Variants in FBXO10 observed in about 807,000 individuals in gnomAD.
The protein encoded by FBXO10 is F-box protein 10, also known as F-box only protein 10.
FBXO10 carries 39 observed loss-of-function variants against 80.7 expected under a neutral mutation model. The observed-to-expected ratio is 0.48, with a 90% confidence interval of 0.37 to 0.63. FBXO10 has a LOEUF of 0.63. FBXO10 is among the 30% of genes least tolerant of loss of function. The pLI is 0.00. For synonymous variants in FBXO10, 449 were observed against 489.6 expected (o/e 0.92, Z 1.09); for missense variants, 1,025 against 1,269.0 (o/e 0.81, Z 2.92).
At position 37,537,242 on chromosome 9, in the gene FBXO10, G is replaced by C; in HGVS notation, c.1287C>G (p.Gly429=). 6.2e-7 allele frequency: 1 copy of C among 1,613,918 alleles called. No homozygotes were observed. The highest frequency in any genetic ancestry group is 8.5e-7 in the Non-Finnish European group (1 of 1,179,906). Residue 429 remains glycine (G), a synonymous_variant, in exon 3 of 11, where the codon GGC becomes GGG. Coordinates refer to ENST00000432825, the MANE Select transcript of FBXO10 (RefSeq NM_012166.3). The stretch of plus-strand genomic sequence containing the variant: ...GGAAGAGGCACTTGCGGATGAGGCA[G>C]CCCTGCACGGAGTTGGCCAGTGCCA... The part of the protein sequence containing the change: ...EAMALANSVQ[G]CLIRKCLFRD...
intron 3 of FBXO10, among the ~76,000 whole-genome samples, chr9:37,536,519 G>A (rs897193563): frequency 6.6e-6 from 1 of 152,128 alleles, no homozygotes; most frequent in African/African-American, 2.4e-5. Context: ...GGGGATTCCA[G>A]GTCTGGGTAA....
intron 5 of FBXO10, 40 bp from the exon 6 acceptor site, chr9:37,525,212 G>T (rs1420939136): frequency 1.1e-5 from 17 of 1,530,748 alleles, no homozygotes; most frequent in Admixed American, 2.0e-5. Context: ...GTGAGCCCAG[G>T]GCATCAATGT....
At chr9:37,518,582 G>C in intron 8 of FBXO10, 144 bp from the exon 9 acceptor site, 1 of 679,612 alleles carries the variant, frequency 1.5e-6, no homozygotes. Context: ...CAACCCTTGA[G>C]TTTGCGTCTT....
Position 37,541,354 on chromosome 9 carries a change from C to T in FBXO10, c.415G>A (p.Gly139Ser), listed in dbSNP as rs1821912754. The T allele has an allele frequency of 1.2e-6, 2 of 1,614,004 alleles. No individual in the cohort carries two copies. The highest frequency in any genetic ancestry group is 1.7e-6 in the Non-Finnish European group (2 of 1,179,882). The stretch of plus-strand genomic sequence containing the variant: ...ATTTCACCTTGCTCTTCGTACACAC[C>T]TGGGAAGAGCACAATTCGGTCATAC... ...SLYDRIVLFP[G>S]VYEEQGEIIL... Residue 139 changes from glycine to serine, a missense_variant, in exon 2 of 11, where the codon GGT becomes AGT. This residue lies in a region of FBXO10 where 450 missense variants were observed against 499.4 expected (regional missense o/e 0.90). Transcript: ENST00000432825.
At chr9:37,555,949 T>C (rs1320507839) in intron 1 of FBXO10, among the ~76,000 whole-genome samples, 2 of 152,254 alleles carry the variant, frequency 1.3e-5, no homozygotes, top group African/African-American at 2.4e-5. Flanking sequence ...GTCTAAAAGC[T>C]TTGTGGTTTT....
At chr9:37,517,154 A>G (rs1389489617) in intron 9 of FBXO10, among the ~76,000 whole-genome samples, 1 of 152,144 alleles carries the variant, frequency 6.6e-6, no homozygotes, top group African/African-American at 2.4e-5. Context: ...AGTGGGAGCT[A>G]TGCTAATGAC....
chr9:37,573,082 G>T (rs1365799961), intron 1 of FBXO10, among the ~76,000 whole-genome samples: 1 of 152,188 alleles, frequency 6.6e-6, no homozygotes, highest in Non-Finnish European at 1.5e-5. Context: ...TAGCTATCTT[G>T]TTGAAGGCTG....
intron 1 of FBXO10, among the ~76,000 whole-genome samples, chr9:37,547,311 T>G (rs1450801932): frequency 7.9e-5 from 12 of 152,062 alleles, no homozygotes; most frequent in Admixed American, 7.9e-4. Context: ...ATGCTGGGGC[T>G]GGGCGCAGTG....
chr9:37,518,214 T>C lies in FBXO10; in HGVS notation c.2425A>G (p.Thr809Ala). The C allele has an allele frequency of 6.2e-7, 1 of 1,614,030 alleles. No homozygotes were observed. The highest frequency in any genetic ancestry group is 8.5e-7 in the Non-Finnish European group (1 of 1,179,898). Residue 809 changes from threonine to alanine, a missense_variant, in exon 9 of 11, where the codon ACC becomes GCC. Coordinates refer to ENST00000432825, the MANE Select transcript of FBXO10 (RefSeq NM_012166.3). ...IYDNRGHGII[T>A]KGDSTIVIEN... ...ATGACGATGGTGCTGTCGCCCTTGG[T>C]GATAATGCCGTGGCCTCTGTTGTCA...
chr9:37,532,268 G>A (rs1052182404), intron 3 of FBXO10, among the ~76,000 whole-genome samples: 4 of 151,214 alleles, frequency 2.6e-5, no homozygotes, highest in Non-Finnish European at 4.4e-5. Context: ...TTGCCCTGCA[G>A]GCTCCTTAGC....
intron 1 of FBXO10, among the ~76,000 whole-genome samples, chr9:37,550,304 T>G (rs1822165551): frequency 6.8e-6 from 1 of 146,726 alleles, no homozygotes; most frequent in South Asian, 2.2e-4. Context: ...CGCCTCAGCC[T>G]CCTGAGTAGC....
intron 2 of FBXO10, among the ~76,000 whole-genome samples, chr9:37,540,348 C>T (rs1821879746): frequency 6.6e-6 from 1 of 151,948 alleles, no homozygotes; most frequent in African/African-American, 2.4e-5. Flanking sequence ...CCACCATGCC[C>T]CGCTGATTTT....
rs1333504310 is a variant in FBXO10, at chr9:37,511,071, C to A, written c.*1476G>T. ...GATAGAAGAGGCCAGTACTCTTGTG[C>A]CCAGTGTTCTCAGGGAGAACCCAGT... On this transcript the variant is annotated 3_prime_UTR_variant, in exon 11 of 11. Coordinates refer to ENST00000432825, the MANE Select transcript of FBXO10 (RefSeq NM_012166.3). 1 of 152,646 alleles carries A rather than the reference C, an allele frequency of 6.6e-6. No individual in the cohort carries two copies. Among genetic ancestry groups the A allele is most frequent in the Non-Finnish European group, 1.5e-5 (1 of 68,060 alleles). 9.5% of individuals were successfully genotyped at this position (152,646 alleles called of 1,614,324 possible).
chr9:37,569,836 C>A (rs1822702986), intron 1 of FBXO10, among the ~76,000 whole-genome samples: 1 of 152,062 alleles, frequency 6.6e-6, no homozygotes, highest in African/African-American at 2.4e-5. Context: ...GTCTCAAAAA[C>A]AAACAAACCA....
At chr9:37,528,364 C>T (rs554081062) in intron 5 of FBXO10, among the ~76,000 whole-genome samples, 1 of 152,356 alleles carries the variant, frequency 6.6e-6, no homozygotes, top group African/African-American at 2.4e-5. Flanking sequence ...TATTCTATAG[C>T]ACTGTCACAC....
rs535957692 is a variant in FBXO10, at chr9:37,518,206, G to A, written c.2433C>T (p.Gly811=). Residue 811 remains glycine (G), a synonymous_variant, in exon 9 of 11, where the codon GGC becomes GGT. Transcript: ENST00000432825. ...CGTTTTCAATGACGATGGTGCTGTC[G>A]CCCTTGGTGATAATGCCGTGGCCTC... ...DNRGHGIITK[G]DSTIVIENDI... is the part of the protein sequence containing the mutation. The A allele has an allele frequency of 1.2e-5, 20 of 1,614,020 alleles. No individual in the cohort carries two copies. Among genetic ancestry groups the A allele is most frequent in the South Asian group, 4.4e-5 (4 of 91,084 alleles).
intron 2 of FBXO10, 28 bp from the exon 3 acceptor site, chr9:37,537,971 G>GT (rs1314796873): frequency 9.5e-6 from 15 of 1,580,814 alleles, no homozygotes; most frequent in African/African-American, 1.4e-5. Context: ...GAAAACGGCT[G>GT]TAAGAGGGAT....
intron 2 of FBXO10, among the ~76,000 whole-genome samples, chr9:37,538,708 C>CA (rs34975108): frequency 0.013 from 868 of 69,412 alleles, 2 homozygotes; most frequent in Non-Finnish European, 0.019. Flanking sequence ...ACTCGGTGTC[C>CA]AAAAAAAAAA....
intron 5 of FBXO10, among the ~76,000 whole-genome samples, chr9:37,528,045 A>C (rs1356082641): frequency 6.6e-6 from 1 of 152,244 alleles, no homozygotes; most frequent in African/African-American, 2.4e-5. Flanking sequence ...GTACCTATGG[A>C]ATAATGCTGG....
Sources: gnomAD v4.1 joint callset for allele counts (sites outside exome capture counted in the v4.1 genomes callset) on GRCh38, gnomAD v4.1.1 for gene constraint, gnomAD v4.1.1 regional missense constraint, MANE v1.5 for transcripts, NCBI Gene and HGNC (gene_info 2026-07-23, HGNC 2026-07-21) for gene names.